ACTR3C: variants seen among roughly 807,000 people sequenced by gnomAD.
The protein encoded by ACTR3C is actin related protein 3C.
In ACTR3C, 18 loss-of-function variants were observed where a neutral mutation model predicts 26.3. That is an observed-to-expected ratio of 0.68 (90% CI 0.47 to 1.01). The LOEUF is 1.01. Ranked by LOEUF, ACTR3C falls within the 50% of genes least tolerant of loss-of-function variation. The pLI is 0.00. For synonymous variants in ACTR3C, 55 were observed against 94.5 expected (o/e 0.58, Z 2.42); for missense variants, 184 against 250.7 (o/e 0.73, Z 1.80).
At chr7:150,006,751 G>A in the ACTR3C span, among the ~76,000 whole-genome samples, 1 of 152,024 alleles carries the variant, frequency 6.6e-6, no homozygotes, top group Non-Finnish European at 1.5e-5. Flanking sequence ...GGTGGTGGTG[G>A]CTTTGTATTC....
intron 6 of ACTR3C, among the ~76,000 whole-genome samples, chr7:150,266,838 C>T (rs1207481370): frequency 1.3e-5 from 2 of 152,192 alleles, no homozygotes; most frequent in African/African-American, 4.8e-5. Context: ...CAATATTTGT[C>T]ATCAGGATCA....
chr7:149,925,663 A>G, the ACTR3C span, among the ~76,000 whole-genome samples: 1 of 152,206 alleles, frequency 6.6e-6, no homozygotes, highest in East Asian at 1.9e-4. Context: ...CCACACACAC[A>G]CAAAAGTGGA....
the ACTR3C span, among the ~76,000 whole-genome samples, chr7:149,999,422 G>A: frequency 1.1e-4 from 17 of 150,568 alleles, no homozygotes; most frequent in Non-Finnish European, 1.5e-4. Flanking sequence ...GGAGAGTGGA[G>A]GTGTGCCCTG....
At chr7:149,886,339 G>A in the ACTR3C span, among the ~76,000 whole-genome samples, 2 of 152,276 alleles carry the variant, frequency 1.3e-5, no homozygotes, top group African/African-American at 2.4e-5. Context: ...GTTTCCTGTC[G>A]AATGTCTTTA....
chr7:150,014,727 G>C, the ACTR3C span, among the ~76,000 whole-genome samples: 1 of 152,184 alleles, frequency 6.6e-6, no homozygotes, highest in Non-Finnish European at 1.5e-5. Context: ...AATGCTTAGT[G>C]GGCCCCTTCT....
At chr7:149,904,916 C>T in the ACTR3C span, among the ~76,000 whole-genome samples, 1 of 151,808 alleles carries the variant, frequency 6.6e-6, no homozygotes, top group East Asian at 1.9e-4. Flanking sequence ...ATTCCAGCTA[C>T]TCGGGAGGCT....
chr7:150,160,493 A>C, the ACTR3C span, among the ~76,000 whole-genome samples: 1 of 152,206 alleles, frequency 6.6e-6, no homozygotes, highest in African/African-American at 2.4e-5. Context: ...AATCTGCAAC[A>C]CTTTCAAAAT....
chr7:150,048,799 T>A, the ACTR3C span, among the ~76,000 whole-genome samples: 2 of 152,008 alleles, frequency 1.3e-5, no homozygotes, highest in Non-Finnish European at 1.5e-5. Context: ...ACGACGCTGG[T>A]GAGGAGGCCG....
At chr7:150,105,063 CT>C in the ACTR3C span, among the ~76,000 whole-genome samples, 1 of 151,220 alleles carries the variant, frequency 6.6e-6, no homozygotes, top group Non-Finnish European at 1.5e-5. Context: ...CACATTGCAT[CT>C]GCCTTCTTCA....
At chr7:150,071,370 C>T in the ACTR3C span, among the ~76,000 whole-genome samples, 6 of 148,384 alleles carry the variant, frequency 4.0e-5, no homozygotes, top group East Asian at 2.0e-4. Context: ...GTGATCCACC[C>T]GCCTCAGCCT....
At chr7:149,938,322 C>T in the ACTR3C span, among the ~76,000 whole-genome samples, 2 of 151,910 alleles carry the variant, frequency 1.3e-5, no homozygotes, top group South Asian at 4.2e-4. Context: ...AATGAATAAA[C>T]GTTTAAAATT....
At chr7:149,913,190 C>G in the ACTR3C span, among the ~76,000 whole-genome samples, 4 of 152,074 alleles carry the variant, frequency 2.6e-5, no homozygotes, top group East Asian at 7.7e-4. Flanking sequence ...GACTGGCCTG[C>G]CCCATTAGAG....
At chr7:149,992,534 C>T in the ACTR3C span, among the ~76,000 whole-genome samples, 3 of 152,360 alleles carry the variant, frequency 2.0e-5, no homozygotes, top group African/African-American at 7.2e-5. Flanking sequence ...ATGAGAAATG[C>T]ACAACCCCTT....
chr7:150,087,406 C>T, the ACTR3C span, among the ~76,000 whole-genome samples: 1 of 152,106 alleles, frequency 6.6e-6, no homozygotes, highest in Non-Finnish European at 1.5e-5. Context: ...CTTCCTCTCT[C>T]ACTATAAACA....
At chr7:150,191,977 T>C in the ACTR3C span, among the ~76,000 whole-genome samples, 19 of 152,152 alleles carry the variant, frequency 1.2e-4, no homozygotes, top group African/African-American at 3.9e-4. Context: ...TTTGTGTCTA[T>C]TGCAATAATC....
chr7:149,883,678 G>A, the ACTR3C span, among the ~76,000 whole-genome samples: 1 of 152,232 alleles, frequency 6.6e-6, no homozygotes, highest in Admixed American at 6.5e-5. Flanking sequence ...CGAGGTCAGA[G>A]ATGGTGGCCC....
chr7:150,221,770 G>A, the ACTR3C span, among the ~76,000 whole-genome samples: 1 of 152,038 alleles, frequency 6.6e-6, no homozygotes, highest in Non-Finnish European at 1.5e-5. Context: ...CGAGGAGGGC[G>A]GATCACGAGG....
the ACTR3C span, among the ~76,000 whole-genome samples, chr7:150,170,179 A>AGTTG: frequency 6.7e-6 from 1 of 150,084 alleles, no homozygotes; most frequent in Non-Finnish European, 1.5e-5. Flanking sequence ...GGCCCTTGGC[A>AGTTG]GTTGGTGTCA....
At chr7:150,039,393 GGGGGGAAGAGGGA>G in the ACTR3C span, among the ~76,000 whole-genome samples, 2 of 70,550 alleles carry the variant, frequency 2.8e-5, no homozygotes, top group Middle Eastern at 7.9e-3. Context: ...TAAGAACCCG[GGGGGGAAGAGGGA>G]CTGGCTCTCA....
Sources: allele counts gnomAD v4.1 joint callset (sites outside exome capture counted in the v4.1 genomes callset), GRCh38; gene constraint gnomAD v4.1.1; transcripts MANE v1.5; gene names NCBI Gene and HGNC (gene_info 2026-07-23, HGNC 2026-07-21).